Variants in HPGDS observed in about 807,000 individuals in gnomAD.
HPGDS encodes GST class-sigma.
HPGDS carries 26 observed loss-of-function variants against 23.1 expected under a neutral mutation model. The ratio of observed to expected loss-of-function variants is 1.13; its 90% CI spans 0.83 to 1.56. The LOEUF is 1.56. HPGDS is among the 40% of genes most tolerant of loss of function. The pLI, the probability that HPGDS is intolerant of heterozygous loss-of-function variation, is 0.00. For missense variants in HPGDS, 268 were observed against 236.4 expected, an observed-to-expected ratio of 1.13 and a Z score of -0.88; for synonymous variants, 95 against 77.9, an observed-to-expected ratio of 1.22 and a Z score of -1.16.
rs377587381 is a variant in HPGDS at position 94,299,587 on chromosome 4, G to C, written c.493C>G (p.Pro165Ala). 12 of 1,614,004 alleles carry C rather than the reference G, an allele frequency of 7.4e-6. No individual in the cohort carries two copies. The highest frequency in any genetic ancestry group is 8.5e-6 in the Non-Finnish European group (10 of 1,179,992). Residue 165 changes from proline to alanine, a missense_variant, in exon 6 of 6, where the codon CCT becomes GCT. By Grantham distance (27) the Pro-to-Ala change is conservative (BLOSUM62 -1). Coordinates refer to ENST00000295256, the MANE Select transcript of HPGDS (RefSeq NM_014485.3). ...CTTGGATGGTTGTCTAACAGGTCAG[G>C]CTTAAAGACCAAAAGTGTGGTACTG... ...ICSTTLLVFKPDLLDNHPRLV... is the reference protein window; with the variant it reads ...ICSTTLLVFKADLLDNHPRLV...
At chr4:94,311,671 T>C (rs1191078343) in intron 3 of HPGDS, among the ~76,000 whole-genome samples, 3 of 151,422 alleles carry the variant, frequency 2.0e-5, no homozygotes, top group Admixed American at 1.3e-4. Flanking sequence ...TTAGGGAGGA[T>C]TCCCTCTTTT....
At chr4:94,340,313 T>TTTTCTTTTC (rs1721129950) in intron 1 of HPGDS, among the ~76,000 whole-genome samples, 7 of 17,610 alleles carry the variant, frequency 4.0e-4, no homozygotes, top group Admixed American at 6.9e-4. Flanking sequence ...TTCTTTCTCT[T>TTTTCTTTTC]TTTTTTTTTT....
chr4:94,335,625 AC>A (rs1249056169), intron 1 of HPGDS, among the ~76,000 whole-genome samples: 3 of 152,216 alleles, frequency 2.0e-5, no homozygotes, highest in Admixed American at 6.5e-5. Context: ...ATGAGGTAAT[AC>A]ATATAAGGTA....
At chr4:94,307,038 G>A (rs777471043) in intron 4 of HPGDS, among the ~76,000 whole-genome samples, 1 of 151,792 alleles carries the variant, frequency 6.6e-6, no homozygotes, top group Non-Finnish European at 1.5e-5. Flanking sequence ...ATCTTTCAGA[G>A]TGGAAAAAAA....
chr4:94,308,641 T>A lies in HPGDS; in HGVS notation c.329A>T (p.Asp110Val), dbSNP rs766963128. The change falls in exon 4 of 6, where the codon GAT becomes GTT. Residue 110 changes from aspartate to valine, a missense_variant. Transcript: ENST00000295256. ...GCAAATGGATCACATTACTTTCACA[T>A]CTTGCTTTTTCTCTGCCCAAGGAAA... ...SCFPWAEKKQ[D>V]VKEQMFNELL... The A allele has an allele frequency of 1.9e-6, 3 of 1,562,570 alleles. No homozygotes were observed. In the South Asian group the frequency reaches 3.4e-5, roughly 18 times the overall value.
At chr4:94,334,726 G>T in intron 1 of HPGDS, 88 bp from the exon 2 acceptor site, 2 of 1,208,930 alleles carry the variant, frequency 1.7e-6, no homozygotes, top group South Asian at 1.6e-5. Context: ...AAAACTTTAT[G>T]GCATCTCTTG....
chr4:94,336,764 T>TG (rs1390887701), intron 1 of HPGDS, among the ~76,000 whole-genome samples: 1 of 152,106 alleles, frequency 6.6e-6, no homozygotes, highest in Non-Finnish European at 1.5e-5. Flanking sequence ...AAATAAATAG[T>TG]GGAAAAGGTC....
chr4:94,301,550 C>A (rs1229480571), intron 5 of HPGDS, among the ~76,000 whole-genome samples: 1 of 152,092 alleles, frequency 6.6e-6, no homozygotes, highest in Admixed American at 6.6e-5. Flanking sequence ...AGCTGTAGTT[C>A]AAGTTCAGGA....
intron 3 of HPGDS, among the ~76,000 whole-genome samples, chr4:94,310,681 T>C (rs1241867946): frequency 1.3e-5 from 2 of 152,178 alleles, no homozygotes; most frequent in African/African-American, 4.8e-5. Flanking sequence ...AGAAAGTCAC[T>C]GGTAGCTTGA....
At chr4:94,334,683 G>A in intron 1 of HPGDS, 45 bp from the exon 2 acceptor site, 4 of 1,534,230 alleles carry the variant, frequency 2.6e-6, no homozygotes, top group Non-Finnish European at 2.6e-6. Context: ...GCCCTCTAGA[G>A]ATGCCTCAAT....
intron 2 of HPGDS, among the ~76,000 whole-genome samples, chr4:94,322,041 G>T (rs1249784020): frequency 6.6e-6 from 1 of 152,078 alleles, no homozygotes. Flanking sequence ...TTTGTCTTTG[G>T]TTCTGTTAAG....
At chr4:94,306,496 C>A (rs1418896789) in intron 4 of HPGDS, among the ~76,000 whole-genome samples, 2 of 151,888 alleles carry the variant, frequency 1.3e-5, no homozygotes, top group Non-Finnish European at 2.9e-5. Flanking sequence ...AGCCAAGAAC[C>A]AATCCTATCA....
chr4:94,341,618 A>T (rs992273452), intron 1 of HPGDS, among the ~76,000 whole-genome samples: 1 of 152,230 alleles, frequency 6.6e-6, no homozygotes, highest in Non-Finnish European at 1.5e-5. Context: ...CACATCAAGA[A>T]TTCAAACATA....
At chr4:94,302,028 G>A (rs769693133) in intron 5 of HPGDS, 118 bp downstream of exon 5, 22 of 545,788 alleles carry the variant, frequency 4.0e-5, no homozygotes, top group Non-Finnish European at 6.2e-5. Flanking sequence ...TTTAACCTTT[G>A]TTCTTGCTGT....
At chr4:94,307,599 A>G (rs1315044782) in intron 4 of HPGDS, among the ~76,000 whole-genome samples, 4 of 152,170 alleles carry the variant, frequency 2.6e-5, no homozygotes, top group African/African-American at 9.7e-5. Context: ...AGGGAATTCC[A>G]ATGATGACAG....
intron 3 of HPGDS, among the ~76,000 whole-genome samples, chr4:94,313,782 A>G (rs1579433773): frequency 1.3e-5 from 2 of 152,232 alleles, no homozygotes; most frequent in East Asian, 1.9e-4. Context: ...CACCAATCAG[A>G]CGTAGATTTG....
At chr4:94,333,486 A>G (rs762725328) in intron 2 of HPGDS, among the ~76,000 whole-genome samples, 16 of 152,182 alleles carry the variant, frequency 1.1e-4, no homozygotes, top group Non-Finnish European at 2.1e-4. Flanking sequence ...AAGAAACCTA[A>G]TCTTTGACAA....
At chr4:94,339,402 T>C (rs748717701) in intron 1 of HPGDS, among the ~76,000 whole-genome samples, 3 of 152,202 alleles carry the variant, frequency 2.0e-5, no homozygotes, top group Admixed American at 6.5e-5. Flanking sequence ...CTGGCTTCCT[T>C]ACACCCCAAA....
chr4:94,328,798 T>C (rs575281112), intron 2 of HPGDS, among the ~76,000 whole-genome samples: 2 of 152,320 alleles, frequency 1.3e-5, no homozygotes, highest in Admixed American at 6.5e-5. Context: ...GCCTTAGTTT[T>C]GGACATAAAA....
Sources: gnomAD v4.1 joint callset for allele counts (sites outside exome capture counted in the v4.1 genomes callset) on GRCh38, gnomAD v4.1.1 for gene constraint, MANE v1.5 for transcripts, NCBI Gene and HGNC (gene_info 2026-07-23, HGNC 2026-07-21) for gene names.